Variants in AFG2A observed in about 807,000 individuals in gnomAD.
AFG2A encodes the protein AAA ATPase AFG2A.
chr4:123,020,829 T>G, the AFG2A span, among the ~76,000 whole-genome samples: 5 of 152,244 alleles, frequency 3.3e-5, no homozygotes, highest in African/African-American at 1.2e-4. Context: ...CATGAATCTT[T>G]GAAGAAGAAA....
At chr4:123,217,096 A>G in the AFG2A span, among the ~76,000 whole-genome samples, 3 of 152,206 alleles carry the variant, frequency 2.0e-5, no homozygotes, top group Non-Finnish European at 4.4e-5. Flanking sequence ...AAATGTACAT[A>G]GCCTTGGTAT....
chr4:122,999,193 A>G, the AFG2A span, among the ~76,000 whole-genome samples: 1 of 148,848 alleles, frequency 6.7e-6, no homozygotes, highest in South Asian at 2.2e-4. Context: ...AGTTCATTGT[A>G]GATTCTGGAT....
the AFG2A span, among the ~76,000 whole-genome samples, chr4:123,154,750 A>C: frequency 6.6e-6 from 1 of 152,192 alleles, no homozygotes; most frequent in Non-Finnish European, 1.5e-5. Context: ...AAAAAAATAT[A>C]TTAAGAGAAA....
chr4:122,960,360 ACT>A, the AFG2A span, among the ~76,000 whole-genome samples: 1 of 152,164 alleles, frequency 6.6e-6, no homozygotes. Flanking sequence ...AGTTTCGTAA[ACT>A]CTGTTGAATG....
chr4:122,973,576 T>TTG, the AFG2A span, among the ~76,000 whole-genome samples: 5 of 152,320 alleles, frequency 3.3e-5, no homozygotes, highest in Non-Finnish European at 7.4e-5. Context: ...TATCCTATGT[T>TTG]TGTCTCCTTG....
At chr4:123,179,746 A>T in the AFG2A span, among the ~76,000 whole-genome samples, 1 of 152,206 alleles carries the variant, frequency 6.6e-6, no homozygotes, top group Non-Finnish European at 1.5e-5. Context: ...ATACATGTAC[A>T]CACACATAAT....
chr4:122,951,860 A>G, the AFG2A span, among the ~76,000 whole-genome samples: 1 of 152,204 alleles, frequency 6.6e-6, no homozygotes, highest in South Asian at 2.1e-4. Flanking sequence ...TCCTGTATGA[A>G]GGAGAGCATC....
At chr4:123,080,710 A>G in the AFG2A span, among the ~76,000 whole-genome samples, 3 of 152,062 alleles carry the variant, frequency 2.0e-5, no homozygotes, top group East Asian at 1.9e-4. Flanking sequence ...GTCCCACAGG[A>G]CAACCCACCA....
At chr4:123,130,523 T>C in the AFG2A span, among the ~76,000 whole-genome samples, 17 of 152,040 alleles carry the variant, frequency 1.1e-4, 1 homozygote, top group East Asian at 3.1e-3. Context: ...CATGCACATG[T>C]CATCTTTGAG....
chr4:123,196,713 C>G, the AFG2A span, among the ~76,000 whole-genome samples: 2 of 152,060 alleles, frequency 1.3e-5, no homozygotes, highest in Non-Finnish European at 2.9e-5. Flanking sequence ...TTACAGAAAA[C>G]TTTTAAGGCT....
At chr4:123,050,545 CA>C in the AFG2A span, among the ~76,000 whole-genome samples, 4 of 152,134 alleles carry the variant, frequency 2.6e-5, no homozygotes, top group Non-Finnish European at 5.9e-5. Context: ...TTTTCTAAAT[CA>C]TTATATAATG....
the AFG2A span, among the ~76,000 whole-genome samples, chr4:123,026,445 G>GC: frequency 6.6e-6 from 1 of 151,964 alleles, no homozygotes; most frequent in Non-Finnish European, 1.5e-5. Flanking sequence ...TAGGTGATGA[G>GC]CTAAAAAAAA....
the AFG2A span, among the ~76,000 whole-genome samples, chr4:123,032,682 G>C: frequency 6.6e-6 from 1 of 152,196 alleles, no homozygotes; most frequent in Admixed American, 6.5e-5. Context: ...CCAAAGTGCT[G>C]GGATTACAGG....
At chr4:123,188,107 T>A in the AFG2A span, among the ~76,000 whole-genome samples, 3 of 152,120 alleles carry the variant, frequency 2.0e-5, no homozygotes, top group African/African-American at 7.2e-5. Flanking sequence ...AATCTTTCAT[T>A]TTTATTCTTA....
At chr4:123,216,382 A>G in the AFG2A span, among the ~76,000 whole-genome samples, 5 of 152,194 alleles carry the variant, frequency 3.3e-5, no homozygotes, top group Admixed American at 6.5e-5. Context: ...ACTTTGTCCT[A>G]GATAATAAGA....
the AFG2A span, among the ~76,000 whole-genome samples, chr4:123,264,557 C>G: frequency 6.6e-6 from 1 of 152,024 alleles, no homozygotes; most frequent in African/African-American, 2.4e-5. Flanking sequence ...AAATATGGCT[C>G]TCTGTTGTAA....
the AFG2A span, among the ~76,000 whole-genome samples, chr4:122,989,503 G>A: frequency 1.1e-4 from 16 of 152,164 alleles, no homozygotes; most frequent in Non-Finnish European, 1.9e-4. Flanking sequence ...CTGAGTTCAT[G>A]GATGCCACCT....
the AFG2A span, among the ~76,000 whole-genome samples, chr4:123,062,410 CA>C: frequency 6.6e-6 from 1 of 152,036 alleles, no homozygotes; most frequent in Non-Finnish European, 1.5e-5. Flanking sequence ...ATCATATTAC[CA>C]GCCTTTATTT....
the AFG2A span, among the ~76,000 whole-genome samples, chr4:123,089,540 T>C: frequency 6.6e-6 from 1 of 152,180 alleles, no homozygotes; most frequent in Non-Finnish European, 1.5e-5. Context: ...TTTGACTGTG[T>C]GATACAGGGT....
Sources: allele counts gnomAD v4.1 joint callset (sites outside exome capture counted in the v4.1 genomes callset), GRCh38; gene constraint gnomAD v4.1.1; transcripts MANE v1.5; gene names NCBI Gene and HGNC (gene_info 2026-07-23, HGNC 2026-07-21).